Variants in FGF10 observed in about 807,000 individuals in gnomAD.
The protein encoded by FGF10 is fibroblast growth factor 10.
FGF10 carries 2 observed loss-of-function variants against 19.8 expected under a neutral mutation model. The ratio of observed to expected loss-of-function variants is 0.10; its 90% CI spans 0.04 to 0.32. FGF10 has a LOEUF of 0.32. FGF10 is among the 10% of genes least tolerant of loss of function. The pLI is 1.00. For missense variants in FGF10, 191 were observed against 246.3 expected (o/e 0.78, Z 1.50); for synonymous variants, 112 against 94.0 (o/e 1.19, Z -1.10).
At chr5:44,374,376 G>A (rs192148852) in intron 1 of FGF10, among the ~76,000 whole-genome samples, 130 of 152,218 alleles carry the variant, frequency 8.5e-4, no homozygotes, top group Middle Eastern at 3.4e-3. Context: ...TACAAATACA[G>A]TAACATTCAC....
chr5:44,308,354 AG>A (rs1263248344), intron 2 of FGF10, among the ~76,000 whole-genome samples: 1 of 152,202 alleles, frequency 6.6e-6, no homozygotes, highest in Non-Finnish European at 1.5e-5. Flanking sequence ...ATCAATTAAA[AG>A]TATTTAAAAT....
intron 1 of FGF10, among the ~76,000 whole-genome samples, chr5:44,324,921 T>C (rs1029306355): frequency 6.6e-6 from 1 of 152,202 alleles, no homozygotes; most frequent in Admixed American, 6.6e-5. Flanking sequence ...TTTTGCTAAT[T>C]CTTAAAGATC....
chr5:44,331,970 A>G (rs775836772), intron 1 of FGF10, among the ~76,000 whole-genome samples: 2 of 152,006 alleles, frequency 1.3e-5, no homozygotes, highest in Non-Finnish European at 2.9e-5. Flanking sequence ...CAGAATATAA[A>G]TAACTTGAAG....
intron 1 of FGF10, among the ~76,000 whole-genome samples, chr5:44,327,842 T>C (rs1288594422): frequency 6.6e-6 from 1 of 151,830 alleles, no homozygotes; most frequent in Non-Finnish European, 1.5e-5. Context: ...CCAGCTCCTC[T>C]TTTTATTGTT....
chr5:44,319,539 C>A (rs759737632), intron 1 of FGF10, among the ~76,000 whole-genome samples: 1 of 152,060 alleles, frequency 6.6e-6, no homozygotes, highest in Non-Finnish European at 1.5e-5. Flanking sequence ...GTTTTAAATA[C>A]TTAATATGGA....
At position 44,366,327 on chromosome 5, in the gene FGF10, AT is replaced by A. The variant is rs545966321; in HGVS notation, c.325+22030del. 1.1e-4 allele frequency among the ~76,000 whole-genome samples: 17 copies of A among 151,544 alleles called. No individual in the cohort carries two copies. In the East Asian group the frequency reaches 2.1e-3, roughly 19 times the overall value. On this transcript the variant is annotated intron_variant, in intron 1 of 2. Coordinates refer to ENST00000264664, the MANE Select transcript of FGF10 (RefSeq NM_004465.2). ...CCCCTTGCATATATTGTCAATGAAA[AT>A]TTTTTTTAAAGGCATCCTGCATTTT...
At chr5:44,347,414 C>T (rs1311397608) in intron 1 of FGF10, among the ~76,000 whole-genome samples, 1 of 151,834 alleles carries the variant, frequency 6.6e-6, no homozygotes, top group African/African-American at 2.4e-5. Context: ...CCTAGTCTGG[C>T]TCTGCCCACC....
At chr5:44,313,902 T>A (rs752377137) in intron 1 of FGF10, among the ~76,000 whole-genome samples, 3 of 152,112 alleles carry the variant, frequency 2.0e-5, no homozygotes, top group Non-Finnish European at 4.4e-5. Flanking sequence ...CGTAATGGCT[T>A]TTCTATTGAT....
intron 1 of FGF10, among the ~76,000 whole-genome samples, chr5:44,386,926 T>C (rs1742111185): frequency 6.6e-6 from 1 of 152,248 alleles, no homozygotes; most frequent in South Asian, 2.1e-4. Flanking sequence ...TCATTCCCAT[T>C]AGTACCTGGT....
rs775751673 is a variant in FGF10 at position 44,388,346 on chromosome 5, T to G, written c.325+12A>C. ...ATAATTGGAAGGAGGGGAGCATGCA[T>G]TTGTTACTTACTGTACGGGCAGTTC... On this transcript the variant is annotated intron_variant, in intron 1 of 2. Coordinates refer to ENST00000264664, the MANE Select transcript of FGF10 (RefSeq NM_004465.2). The G allele has an allele frequency of 8.1e-6, 13 of 1,611,912 alleles. No homozygotes were observed. In the South Asian group the frequency reaches 1.1e-4, roughly 14 times the overall value.
intron 1 of FGF10, among the ~76,000 whole-genome samples, chr5:44,369,566 T>A (rs1321599524): frequency 6.6e-6 from 1 of 152,126 alleles, no homozygotes; most frequent in Non-Finnish European, 1.5e-5. Context: ...TAAATAGCAG[T>A]GGCGGAGCAC....
chr5:44,361,541 T>C (rs760776298), intron 1 of FGF10, among the ~76,000 whole-genome samples: 8 of 151,552 alleles, frequency 5.3e-5, no homozygotes, highest in Non-Finnish European at 1.2e-4. Context: ...AGAGTTCCAC[T>C]CCAGATGACT....
chr5:44,381,583 C>A (rs549187550), intron 1 of FGF10, among the ~76,000 whole-genome samples: 1 of 151,788 alleles, frequency 6.6e-6, no homozygotes, highest in Admixed American at 6.6e-5. Context: ...CAGACTAACT[C>A]AAAACAAAGC....
intron 1 of FGF10, among the ~76,000 whole-genome samples, chr5:44,372,110 CTCTAATA>C (rs1413351820): frequency 6.6e-6 from 1 of 152,122 alleles, no homozygotes; most frequent in Non-Finnish European, 1.5e-5. Context: ...GAGGCCAGAA[CTCTAATA>C]TCTGTTTCCC....
chr5:44,330,893 A>G (rs13180550), intron 1 of FGF10, among the ~76,000 whole-genome samples: 85,705 of 151,902 alleles, frequency 0.56, 25,418 homozygotes, highest in Non-Finnish European at 0.67. Context: ...GAGATTATTG[A>G]CTGTTTGCTT....
chr5:44,384,223 C>T (rs1343983003), intron 1 of FGF10, among the ~76,000 whole-genome samples: 2 of 151,966 alleles, frequency 1.3e-5, no homozygotes, highest in African/African-American at 4.8e-5. Flanking sequence ...TATAAAATGA[C>T]ATTCATGGAT....
At chr5:44,351,323 A>G (rs1741227845) in intron 1 of FGF10, among the ~76,000 whole-genome samples, 1 of 151,762 alleles carries the variant, frequency 6.6e-6, no homozygotes, top group South Asian at 2.1e-4. Flanking sequence ...AGATAGACAC[A>G]TAATTGGCAA....
At chr5:44,340,936 G>A (rs564144661) in intron 1 of FGF10, among the ~76,000 whole-genome samples, 4 of 151,992 alleles carry the variant, frequency 2.6e-5, no homozygotes, top group South Asian at 2.1e-4. Flanking sequence ...CCATGTCCAT[G>A]TATAAACCTT....
At chr5:44,348,672 T>A (rs774379219) in intron 1 of FGF10, among the ~76,000 whole-genome samples, 1 of 144,330 alleles carries the variant, frequency 6.9e-6, no homozygotes, top group Admixed American at 6.7e-5. Flanking sequence ...ATATAACGAA[T>A]GGCTTTTTAT....
Sources: gnomAD v4.1 joint callset for allele counts (sites outside exome capture counted in the v4.1 genomes callset) on GRCh38, gnomAD v4.1.1 for gene constraint, MANE v1.5 for transcripts, NCBI Gene and HGNC (gene_info 2026-07-23, HGNC 2026-07-21) for gene names.